SLC39A11: variants seen among roughly 807,000 people sequenced by gnomAD.
SLC39A11 encodes solute carrier family 39 member 11, also known as zinc transporter ZIP11.
SLC39A11 carries 33 observed loss-of-function variants against 36.1 expected under a neutral mutation model. The ratio of observed to expected loss-of-function variants is 0.91; its 90% CI spans 0.69 to 1.22. The LOEUF (loss-of-function observed/expected upper bound fraction) is 1.22, where lower values mean the gene tolerates loss of function less well. Ranked by LOEUF, SLC39A11 falls within the 50% of genes most tolerant of loss-of-function variation. SLC39A11 has a pLI of 0.00. For synonymous variants in SLC39A11, 166 were observed against 170.3 expected, an observed-to-expected ratio of 0.97 and a Z score of 0.20; for missense variants, 432 against 430.3, an observed-to-expected ratio of 1.00 and a Z score of -0.03.
chr17:72,708,041 T>C (rs373869452), intron 7 of SLC39A11, among the ~76,000 whole-genome samples: 11 of 152,222 alleles, frequency 7.2e-5, no homozygotes, highest in African/African-American at 2.7e-4. Context: ...AGAACCAGAC[T>C]GCTCCACTCC....
rs373058107 is a variant in SLC39A11, at chr17:72,940,556, G to A, written c.430+7196C>T. On this transcript the variant is annotated intron_variant, in intron 5 of 9. Transcript: ENST00000255559. ...CTCCCGAAGTGCTGGGATTACAGGCGTGAGCCACTGCGCCCGGCCCTGACT... is the reference window on the plus strand; with the variant it reads ...CTCCCGAAGTGCTGGGATTACAGGCATGAGCCACTGCGCCCGGCCCTGACT... Among the ~76,000 whole-genome samples, 129 of 152,330 alleles carry A rather than the reference G, an allele frequency of 8.5e-4. 1 individual carries two copies. The highest frequency in any genetic ancestry group is 1.2e-3 in the African/African-American group (49 of 41,582).
intron 1 of SLC39A11, 73 bp downstream of exon 1, chr17:73,092,538 C>T (rs1194163565): frequency 6.5e-6 from 1 of 153,034 alleles, no homozygotes; most frequent in African/African-American, 2.4e-5. Context: ...GTCCCACACT[C>T]TTGTCCTGAT....
At chr17:72,687,479 T>C (rs1351977043) in intron 7 of SLC39A11, among the ~76,000 whole-genome samples, 2 of 152,146 alleles carry the variant, frequency 1.3e-5, no homozygotes, top group African/African-American at 4.8e-5. Flanking sequence ...TCCTGACCTC[T>C]TGATCCACCT....
chr17:73,026,187 G>GAGAGAAGAGAGAAGAGAAGAGA (rs2058536627), intron 4 of SLC39A11, among the ~76,000 whole-genome samples: 1 of 3,590 alleles, frequency 2.8e-4, no homozygotes, highest in Non-Finnish European at 1.2e-3. Context: ...AGAAAGAGAA[G>GAGAGAAGAGAGAAGAGAAGAGA]AGAGAAGAGA....
intron 3 of SLC39A11, among the ~76,000 whole-genome samples, chr17:73,042,586 A>T (rs2059145676): frequency 6.6e-6 from 1 of 152,202 alleles, no homozygotes; most frequent in Non-Finnish European, 1.5e-5. Context: ...AGATCGCCTG[A>T]GGTCAGGAGT....
At chr17:72,668,282 C>A (rs1164624185) in intron 7 of SLC39A11, among the ~76,000 whole-genome samples, 1 of 151,720 alleles carries the variant, frequency 6.6e-6, no homozygotes, top group Non-Finnish European at 1.5e-5. Context: ...TCTCTCTTGA[C>A]CAAGTCAGTA....
At chr17:73,017,680 T>C (rs1406562832) in intron 4 of SLC39A11, among the ~76,000 whole-genome samples, 1 of 152,098 alleles carries the variant, frequency 6.6e-6, no homozygotes, top group East Asian at 1.9e-4. Flanking sequence ...GCCACTGCAC[T>C]CCAGCCTGGG....
intron 6 of SLC39A11, among the ~76,000 whole-genome samples, chr17:72,832,431 G>A (rs143127895): frequency 3.2e-4 from 49 of 152,224 alleles, no homozygotes; most frequent in African/African-American, 1.1e-3. Flanking sequence ...TGAGCTCATC[G>A]CCTCTGAATT....
At chr17:73,068,158 T>C in intron 3 of SLC39A11, 1 of 1,289,212 alleles carries the variant, frequency 7.8e-7, no homozygotes, top group Non-Finnish European at 1.1e-6. Context: ...CAGGTTCCTC[T>C]GTTCCCGGAG....
At position 72,683,619 on chromosome 17, in the gene SLC39A11, C is replaced by T. The variant is rs1040923006; in HGVS notation, c.672-34351G>A. On this transcript the variant is annotated intron_variant, in intron 7 of 9. Transcript: ENST00000255559. The stretch of plus-strand genomic sequence containing the variant: ...CCCAAAGTGCTGGTGTGAGCCACTG[C>T]GCCTGGCCTGAGGCTGATTCTGGCA... Among the ~76,000 whole-genome samples, 6 of 152,158 alleles carry T rather than the reference C, an allele frequency of 3.9e-5. No individual in the cohort carries two copies. The East Asian group carries it at 5.8e-4, about 15-fold the overall frequency.
Position 73,011,720 on chromosome 17 carries a change from G to A in SLC39A11, c.306+19836C>T, listed in dbSNP as rs372210620. ...CTTGTTGCCCAGGCTGGAGTGCAGC[G>A]GCGCGATCTTGGCTCACTGCAACCT... On this transcript the variant is annotated intron_variant, in intron 4 of 9. Transcript: ENST00000255559. 1.6e-3 allele frequency among the ~76,000 whole-genome samples: 245 copies of A among 149,804 alleles called. 2 individuals carry two copies. Among genetic ancestry groups the A allele is most frequent in the African/African-American group, 5.6e-3 (231 of 40,950 alleles).
At chr17:72,741,922 G>A (rs1217277472) in intron 6 of SLC39A11, among the ~76,000 whole-genome samples, 3 of 152,120 alleles carry the variant, frequency 2.0e-5, no homozygotes, top group African/African-American at 2.4e-5. Flanking sequence ...GTACCCAGCC[G>A]GGCACAGTGG....
intron 7 of SLC39A11, among the ~76,000 whole-genome samples, chr17:72,683,361 G>A (rs1354491209): frequency 1.4e-5 from 2 of 141,648 alleles, no homozygotes; most frequent in Admixed American, 7.4e-5. Context: ...TTGGATACAC[G>A]GTCTCGCCAT....
At chr17:73,025,542 T>C (rs1315603960) in intron 4 of SLC39A11, among the ~76,000 whole-genome samples, 1 of 152,158 alleles carries the variant, frequency 6.6e-6, no homozygotes, top group Non-Finnish European at 1.5e-5. Context: ...GATGACAGAA[T>C]GTTACGTAGG....
At chr17:72,742,030 C>T (rs1235966771) in intron 6 of SLC39A11, among the ~76,000 whole-genome samples, 2 of 151,988 alleles carry the variant, frequency 1.3e-5, no homozygotes, top group African/African-American at 2.4e-5. Context: ...GGTGAAACCT[C>T]GTCTCTACTA....
intron 6 of SLC39A11, among the ~76,000 whole-genome samples, chr17:72,794,256 C>T (rs757879604): frequency 6.6e-6 from 1 of 152,060 alleles, no homozygotes; most frequent in Non-Finnish European, 1.5e-5. Context: ...TCCATGAGTA[C>T]AAATCACCCA....
chr17:72,978,039 C>T (rs1025037240), intron 4 of SLC39A11, among the ~76,000 whole-genome samples: 21 of 152,246 alleles, frequency 1.4e-4, no homozygotes, highest in Non-Finnish European at 2.1e-4. Flanking sequence ...TCATTGGATT[C>T]CTAGCCAGGG....
chr17:72,693,583 C>T (rs1297348837), intron 7 of SLC39A11, among the ~76,000 whole-genome samples: 4 of 152,196 alleles, frequency 2.6e-5, no homozygotes, highest in Admixed American at 6.5e-5. Context: ...GCAGATCTCA[C>T]GAAAGCCGCT....
chr17:73,011,152 T>C (rs1009178388), intron 4 of SLC39A11, among the ~76,000 whole-genome samples: 4 of 152,070 alleles, frequency 2.6e-5, no homozygotes, highest in Non-Finnish European at 1.5e-5. Flanking sequence ...GAAACCAAGA[T>C]ATGGGGCAAG....
Sources: allele counts gnomAD v4.1 joint callset (sites outside exome capture counted in the v4.1 genomes callset), GRCh38; gene constraint gnomAD v4.1.1; transcripts MANE v1.5; gene names NCBI Gene and HGNC (gene_info 2026-07-23, HGNC 2026-07-21).